The following ANK1 variants were observed in gnomAD, a reference collection of about 807,000 sequenced individuals.
ANK1 encodes ankyrin 1.
Under a neutral mutation model 210.4 loss-of-function variants are expected in ANK1, and 51 were observed. The observed-to-expected ratio is 0.24, with a 90% CI of 0.19 to 0.31. The LOEUF is 0.31. Among genes scored for constraint, ANK1 ranks in the 10% least tolerant of loss-of-function variants. The pLI is 1.00. For synonymous variants in ANK1, 967 were observed against 1,025.9 expected, an observed-to-expected ratio of 0.94 and a Z score of 1.10; for missense variants, 2,051 against 2,504.4, an observed-to-expected ratio of 0.82 and a Z score of 3.86.
chr8:41,879,691 C>T (rs952055770), intron 1 of ANK1, among the ~76,000 whole-genome samples: 3 of 152,160 alleles, frequency 2.0e-5, no homozygotes, highest in African/African-American at 4.8e-5. Flanking sequence ...GAGCTTCCCC[C>T]GGCGAGTGAG....
At chr8:41,870,701 G>A (rs1426511469) in intron 1 of ANK1, among the ~76,000 whole-genome samples, 1 of 152,224 alleles carries the variant, frequency 6.6e-6, no homozygotes, top group Admixed American at 6.5e-5. Context: ...AGCTGAGCTG[G>A]AAGAGGCTGG....
chr8:41,795,949 A>G (rs1848656434), intron 1 of ANK1, among the ~76,000 whole-genome samples: 1 of 152,244 alleles, frequency 6.6e-6, no homozygotes, highest in South Asian at 2.1e-4. Context: ...TAAACATTCA[A>G]GTCTATGGAC....
intron 2 of ANK1, among the ~76,000 whole-genome samples, chr8:41,752,965 G>A (rs748471222): frequency 1.3e-5 from 2 of 152,280 alleles, no homozygotes; most frequent in Admixed American, 6.5e-5. Context: ...TTCTACAAGG[G>A]GGGGATATTC....
chr8:41,848,302 T>G (rs1270123756), intron 1 of ANK1, among the ~76,000 whole-genome samples: 3 of 152,258 alleles, frequency 2.0e-5, no homozygotes, highest in Non-Finnish European at 2.9e-5. Flanking sequence ...AGTGATTTTT[T>G]TCTATCAGAT....
At chr8:41,890,483 C>T (rs1036209291) in intron 1 of ANK1, among the ~76,000 whole-genome samples, 4 of 152,092 alleles carry the variant, frequency 2.6e-5, no homozygotes, top group Non-Finnish European at 4.4e-5. Context: ...CCGAGGCAGG[C>T]GGATCACTTG....
chr8:41,840,263 T>G (rs1048447795), intron 1 of ANK1: 1 of 152,170 alleles, frequency 6.6e-6, no homozygotes, highest in African/African-American at 2.4e-5. Context: ...CTGATTGACA[T>G]AGCGCACTAA....
chr8:41,727,395 A>G lies in ANK1; in HGVS notation c.328-47T>C. 4 of 1,364,202 alleles carry G rather than the reference A, an allele frequency of 2.9e-6. No homozygotes were observed. The South Asian group carries it at 3.5e-5, about 12-fold the overall frequency. 84.5% of individuals were successfully genotyped at this position (1,364,202 alleles called of 1,614,324 possible). A position where few individuals can be genotyped will look rare whatever the true frequency, so the allele number is the denominator to read the frequency against. On this transcript the variant is annotated intron_variant, in intron 4 of 42. Coordinates refer to ENST00000289734, the MANE Select transcript of ANK1 (RefSeq NM_000037.4). ...CATTAGCATCCACCCGCAATTTAAG[A>G]AAGGCCTACACCAGCACAACGTCCT...
chr8:41,723,779 TTTTTTA>T, intron 7 of ANK1, 146 bp from the exon 8 acceptor site: 1 of 495,206 alleles, frequency 2.0e-6, no homozygotes, highest in Non-Finnish European at 3.5e-6. Flanking sequence ...TATTTTATTT[TTTTTTA>T]TTTTTTATTT....
At chr8:41,703,894 G>T in intron 20 of ANK1, 147 bp downstream of exon 20, 1 of 726,268 alleles carries the variant, frequency 1.4e-6, no homozygotes, top group East Asian at 2.7e-5. Flanking sequence ...CCCATCCCCA[G>T]GGTACCCAAG....
At chr8:41,840,720 G>A (rs141503209) in intron 1 of ANK1, among the ~76,000 whole-genome samples, 2 of 152,204 alleles carry the variant, frequency 1.3e-5, no homozygotes, top group Non-Finnish European at 2.9e-5. Flanking sequence ...TCCAAAGACC[G>A]CCACACTGGG....
chr8:41,740,532 G>T (rs1488407257), intron 2 of ANK1, among the ~76,000 whole-genome samples: 2 of 151,954 alleles, frequency 1.3e-5, no homozygotes, highest in Non-Finnish European at 2.9e-5. Flanking sequence ...TCCCAAGGTG[G>T]CTGCTCCTAT....
At position 41,847,734 on chromosome 8, in the gene ANK1, C is replaced by G. The variant is rs553041583; in HGVS notation, c.126+48621G>C. Reference sequence around the variant, plus strand: ...CAGAGCGGCATTCTTGGCCACCGTGCCTTTTATCCCAGATTCCCCACATAC... The same window carrying G: ...CAGAGCGGCATTCTTGGCCACCGTGGCTTTTATCCCAGATTCCCCACATAC... On this transcript the variant is annotated intron_variant, in intron 1 of 42. Transcript: ENST00000265709. Among the ~76,000 whole-genome samples, 9 of 152,312 alleles carry G rather than the reference C, an allele frequency of 5.9e-5. No homozygotes were observed. In the South Asian group the frequency reaches 1.5e-3, roughly 25 times the overall value.
intron 10 of ANK1, 93 bp from the exon 11 acceptor site, chr8:41,718,297 C>G (rs1024930407): frequency 2.2e-5 from 28 of 1,253,156 alleles, no homozygotes; most frequent in Non-Finnish European, 3.2e-5. Context: ...TAAAAGGCAG[C>G]TGCTGCCCAG....
intron 38 of ANK1, among the ~76,000 whole-genome samples, chr8:41,670,114 G>A (rs1811808311): frequency 6.6e-6 from 1 of 151,752 alleles, no homozygotes; most frequent in Admixed American, 6.6e-5. Context: ...TTTTTAGCAC[G>A]TATTATCTAG....
At chr8:41,690,650 A>T (rs1819025911) in intron 31 of ANK1, 51 bp from the exon 32 acceptor site, 2 of 1,597,344 alleles carry the variant, frequency 1.3e-6, no homozygotes, top group Non-Finnish European at 1.7e-6. Flanking sequence ...AAGGGCCCAG[A>T]TGTCCCTCCT....
intron 1 of ANK1, among the ~76,000 whole-genome samples, chr8:41,769,069 G>A (rs1842474013): frequency 1.3e-5 from 2 of 152,240 alleles, no homozygotes; most frequent in Admixed American, 1.3e-4. Context: ...GGCATCCCAA[G>A]GAAGTGGGAT....
intron 1 of ANK1, among the ~76,000 whole-genome samples, chr8:41,894,382 C>T (rs1820034902): frequency 6.6e-6 from 1 of 151,170 alleles, no homozygotes. Flanking sequence ...TTATCATCTA[C>T]CACCAAAAGA....
Position 41,655,163 on chromosome 8 carries a change from C to G in ANK1, c.*627G>C. The G allele has an allele frequency of 6.7e-6, 1 of 148,636 alleles. No homozygotes were observed. Among genetic ancestry groups the G allele is most frequent in the Non-Finnish European group, 1.5e-5 (1 of 68,296 alleles). The allele number at this position is 148,636 out of a possible 1,614,324, so 9.2% of individuals were successfully genotyped here. Reference sequence around the variant, plus strand: ...GTGTGTGTGTGTGTGTCCTGAATGTCATGTAGAGCGATCTGGGAGGAGCGT... The same window carrying G: ...GTGTGTGTGTGTGTGTCCTGAATGTGATGTAGAGCGATCTGGGAGGAGCGT... On this transcript the variant is annotated 3_prime_UTR_variant, in exon 43 of 43. Coordinates refer to ENST00000289734, the MANE Select transcript of ANK1 (RefSeq NM_000037.4).
rs1586510952 is a variant in ANK1 at position 41,727,898 on chromosome 8, G to A, written c.327+10C>T. On this transcript the variant is annotated intron_variant, in intron 4 of 42. Coordinates refer to ENST00000289734, the MANE Select transcript of ANK1 (RefSeq NM_000037.4). ...GCAACACCCTCTAGTCCAGACCAGA[G>A]AGCCATTACCTGTGACTGGGCGTTG... is the stretch of plus-strand genomic sequence containing the variant. 2 of 1,613,930 alleles carry A rather than the reference G, an allele frequency of 1.2e-6. No individual in the cohort carries two copies. Among genetic ancestry groups the A allele is most frequent in the Non-Finnish European group, 1.7e-6 (2 of 1,179,796 alleles).
Sources: gnomAD v4.1 joint callset for allele counts (sites outside exome capture counted in the v4.1 genomes callset) on GRCh38, gnomAD v4.1.1 for gene constraint, MANE v1.5 for transcripts, NCBI Gene and HGNC (gene_info 2026-07-23, HGNC 2026-07-21) for gene names.